Variants in GRM8 observed in about 807,000 individuals in gnomAD.
GRM8 encodes the protein glutamate metabotropic receptor 8.
A neutral mutation model predicts 87.2 loss-of-function variants in GRM8; 47 were observed. That is an observed-to-expected ratio of 0.54 (90% CI 0.43 to 0.69). The LOEUF (loss-of-function observed/expected upper bound fraction) is 0.69. GRM8 is among the 30% of genes least tolerant of loss of function. GRM8 has a pLI of 0.00. For synonymous variants in GRM8, 396 were observed against 404.5 expected (o/e 0.98, Z 0.25); for missense variants, 1,019 against 1,139.2 (o/e 0.89, Z 1.52).
chr7:126,534,013 T>A, intron 8 of GRM8, 126 bp from the exon 9 acceptor site: 1 of 713,114 alleles, frequency 1.4e-6, no homozygotes, highest in East Asian at 2.7e-5. Context: ...ATAATAAGAG[T>A]CTCGTTTTTT....
chr7:126,786,906 A>G (rs1343668533), intron 6 of GRM8, among the ~76,000 whole-genome samples: 1 of 152,214 alleles, frequency 6.6e-6, no homozygotes, highest in African/African-American at 2.4e-5. Context: ...CTCTTAGTTA[A>G]GTTCACAGAG....
At chr7:127,190,245 G>T (rs1442589669) in intron 2 of GRM8, among the ~76,000 whole-genome samples, 2 of 152,170 alleles carry the variant, frequency 1.3e-5, no homozygotes, top group Non-Finnish European at 2.9e-5. Context: ...CTCAGAGCTG[G>T]TATACCCTCA....
intron 10 of GRM8, 118 bp from the exon 11 acceptor site, chr7:126,439,286 T>C: frequency 2.9e-6 from 2 of 682,044 alleles, no homozygotes; most frequent in African/African-American, 1.8e-5. Context: ...TTTTACAGCA[T>C]GTTACTCATT....
At chr7:126,716,553 A>C (rs1219311000) in intron 7 of GRM8, among the ~76,000 whole-genome samples, 2 of 152,146 alleles carry the variant, frequency 1.3e-5, no homozygotes, top group African/African-American at 4.8e-5. Context: ...TGCATCACTC[A>C]GGATTCCTTC....
rs554934777 is a variant in GRM8, at chr7:127,141,343, T to C, written c.511-34631A>G. On this transcript the variant is annotated intron_variant, in intron 2 of 10. Transcript: ENST00000339582. ...ATGGCACTCAGACCTGAGTAGATGCTAGAATTCATGTTCAATTAATTCTTC... is the reference window on the plus strand; with the variant it reads ...ATGGCACTCAGACCTGAGTAGATGCCAGAATTCATGTTCAATTAATTCTTC... Among the ~76,000 whole-genome samples, 8 of 152,300 alleles carry C rather than the reference T, an allele frequency of 5.3e-5. No individual in the cohort carries two copies. The South Asian group carries it at 1.4e-3, about 28-fold the overall frequency.
rs536746683 is a variant in GRM8, at chr7:127,213,182, C to T, written c.510+29513G>A. Among the ~76,000 whole-genome samples, 14 of 152,272 alleles carry T rather than the reference C, an allele frequency of 9.2e-5. No homozygotes were observed. In the East Asian group the frequency reaches 2.1e-3, roughly 23 times the overall value. On this transcript the variant is annotated intron_variant, in intron 2 of 10. Transcript: ENST00000339582. ...TCTTACTTCAACTGGCTCACTTCTC[C>T]GAATGCCTGGAACTTCACTCAATTT...
At chr7:126,611,494 T>G (rs1203407083) in intron 7 of GRM8, among the ~76,000 whole-genome samples, 1 of 152,246 alleles carries the variant, frequency 6.6e-6, no homozygotes, top group Non-Finnish European at 1.5e-5. Context: ...ATTATTGAAA[T>G]TCAAATGAGG....
intron 8 of GRM8, among the ~76,000 whole-genome samples, chr7:126,606,610 T>C (rs1324860948): frequency 1.3e-5 from 2 of 152,178 alleles, no homozygotes; most frequent in African/African-American, 2.4e-5. Context: ...GTCCTGATAA[T>C]CCTCAGAATT....
intron 6 of GRM8, among the ~76,000 whole-genome samples, chr7:126,886,653 T>A (rs754020257): frequency 1.3e-5 from 2 of 152,156 alleles, no homozygotes; most frequent in Non-Finnish European, 2.9e-5. Context: ...ATGAAGTTAC[T>A]GCCTACGTGT....
chr7:126,792,009 T>C (rs1821392665), intron 6 of GRM8, among the ~76,000 whole-genome samples: 1 of 152,158 alleles, frequency 6.6e-6, no homozygotes, highest in African/African-American at 2.4e-5. Context: ...CAATGGAAGG[T>C]CACAGATTAT....
At chr7:127,240,225 G>T (rs1441393576) in intron 2 of GRM8, among the ~76,000 whole-genome samples, 1 of 152,140 alleles carries the variant, frequency 6.6e-6, no homozygotes, top group Non-Finnish European at 1.5e-5. Flanking sequence ...GAATAGAGAA[G>T]AGAGAAGCCA....
chr7:126,542,899 G>T (rs960014186), intron 8 of GRM8, among the ~76,000 whole-genome samples: 1 of 152,218 alleles, frequency 6.6e-6, no homozygotes, highest in Admixed American at 6.5e-5. Flanking sequence ...ATGTCTAAGT[G>T]GTGGTGATGA....
chr7:126,595,925 T>C (rs540758823), intron 8 of GRM8, among the ~76,000 whole-genome samples: 9 of 152,260 alleles, frequency 5.9e-5, no homozygotes, highest in Non-Finnish European at 1.0e-4. Flanking sequence ...TCATTTCAGC[T>C]CACGAGTTTG....
intron 3 of GRM8, among the ~76,000 whole-genome samples, chr7:127,094,027 TG>T (rs1391392324): frequency 6.6e-6 from 1 of 152,260 alleles, no homozygotes; most frequent in Non-Finnish European, 1.5e-5. Context: ...AGTTGATACA[TG>T]ATGAAGTAAA....
chr7:127,234,054 C>T (rs1049314685), intron 2 of GRM8, among the ~76,000 whole-genome samples: 7 of 152,184 alleles, frequency 4.6e-5, no homozygotes, highest in Middle Eastern at 3.2e-3. Context: ...AAGCCCTTTT[C>T]CCACTGTGGG....
chr7:126,729,738 G>A (rs1042028718), intron 7 of GRM8, among the ~76,000 whole-genome samples: 6 of 152,144 alleles, frequency 3.9e-5, no homozygotes, highest in African/African-American at 1.4e-4. Flanking sequence ...AGATCTCAGA[G>A]AGAGGATCTC....
intron 8 of GRM8, among the ~76,000 whole-genome samples, chr7:126,594,364 A>C (rs2151052833): frequency 6.6e-6 from 1 of 152,210 alleles, no homozygotes; most frequent in South Asian, 2.1e-4. Context: ...TGAATGGATA[A>C]GGAAAATGTG....
chr7:126,656,541 C>T (rs879402101), intron 7 of GRM8, among the ~76,000 whole-genome samples: 2 of 74,700 alleles, frequency 2.7e-5, no homozygotes, highest in Admixed American at 1.4e-4. Flanking sequence ...GTGGCACGTG[C>T]CTGTAATCCC....
At chr7:126,482,811 C>A (rs79326626) in intron 9 of GRM8, among the ~76,000 whole-genome samples, 2,676 of 151,820 alleles carry the variant, frequency 0.018, 60 homozygotes, top group African/African-American at 0.061. Context: ...TTCTGTGTAA[C>A]TTTACTACAG....
Sources: allele counts gnomAD v4.1 joint callset (sites outside exome capture counted in the v4.1 genomes callset), GRCh38; gene constraint gnomAD v4.1.1; transcripts MANE v1.5; gene names NCBI Gene and HGNC (gene_info 2026-07-23, HGNC 2026-07-21).